Variants in DOCK1 observed in about 807,000 individuals in gnomAD.
DOCK1 encodes dedicator of cytokinesis 1.
DOCK1 carries 138 observed loss-of-function variants against 262.7 expected under a neutral mutation model. The observed-to-expected ratio is 0.53, with a 90% CI of 0.46 to 0.61. The LOEUF (loss-of-function observed/expected upper bound fraction) is 0.61. Ranked by LOEUF, DOCK1 falls within the 20% of genes least tolerant of loss-of-function variation. DOCK1 has a pLI of 0.00. For synonymous variants in DOCK1, 866 were observed against 867.4 expected (o/e 1.00, Z 0.03); for missense variants, 1,908 against 2,370.7 (o/e 0.80, Z 4.05).
chr10:127,060,793 G>A (rs1174551283), intron 22 of DOCK1, among the ~76,000 whole-genome samples: 1 of 152,094 alleles, frequency 6.6e-6, no homozygotes, highest in Non-Finnish European at 1.5e-5. Context: ...CACTGATGTT[G>A]AAATGAATGC....
chr10:127,346,734 C>T (rs571384613), intron 31 of DOCK1, among the ~76,000 whole-genome samples: 8 of 152,348 alleles, frequency 5.3e-5, no homozygotes, highest in South Asian at 2.1e-4. Context: ...CAGCTGGTGT[C>T]GCCCCCTCAG....
chr10:127,318,630 T>C (rs2720978), intron 29 of DOCK1, among the ~76,000 whole-genome samples: 10,315 of 152,238 alleles, frequency 0.068, 1,151 homozygotes, highest in African/African-American at 0.23. Flanking sequence ...ATGCTTTGGG[T>C]GTGGCATGGC....
chr10:127,147,677 A>G (rs2052020876), intron 27 of DOCK1, among the ~76,000 whole-genome samples: 1 of 151,638 alleles, frequency 6.6e-6, no homozygotes, highest in Non-Finnish European at 1.5e-5. Context: ...TTCAATTAAT[A>G]CCCTTTAGGA....
chr10:126,970,660 A>G (rs755620175), intron 1 of DOCK1, 42 bp from the exon 2 acceptor site: 17 of 1,508,936 alleles, frequency 1.1e-5, no homozygotes, highest in South Asian at 2.3e-5. Flanking sequence ...GGTCACTTCT[A>G]TCTTTACTAT....
intron 27 of DOCK1, among the ~76,000 whole-genome samples, chr10:127,139,983 C>CTG: frequency 6.6e-6 from 1 of 152,254 alleles, no homozygotes; most frequent in Non-Finnish European, 1.5e-5. Flanking sequence ...AAACAAGAGC[C>CTG]TGTCAATCGA....
intron 29 of DOCK1, among the ~76,000 whole-genome samples, chr10:127,268,517 A>AAAAAG (rs1282345667): frequency 6.6e-6 from 1 of 151,164 alleles, no homozygotes; most frequent in Non-Finnish European, 1.5e-5. Context: ...AAAAAAAAAA[A>AAAAAG]AAAAAGAAGA....
rs1448346435 is a variant in DOCK1 at position 126,948,413 on chromosome 10, G to T, written c.47-22289G>T. On this transcript the variant is annotated intron_variant, in intron 1 of 51. Coordinates refer to ENST00000623213, the MANE Select transcript of DOCK1 (RefSeq NM_001290223.2). ...GTGGTGGTTGGTAGTATTACTGTTG[G>T]TGGTGATGGTGGTGGTGGTGGTAAT... is the stretch of plus-strand genomic sequence containing the variant. 4.6e-5 allele frequency among the ~76,000 whole-genome samples: 6 copies of T among 131,738 alleles called. 1 individual carries two copies. Among genetic ancestry groups the T allele is most frequent in the Non-Finnish European group, 1.0e-4 (6 of 59,314 alleles). The allele number at this position is 131,738 out of a possible 152,430, so 86.4% of individuals were successfully genotyped here.
chr10:126,926,856 G>T (rs542069124), intron 1 of DOCK1, among the ~76,000 whole-genome samples: 7 of 152,284 alleles, frequency 4.6e-5, no homozygotes, highest in African/African-American at 1.4e-4. Flanking sequence ...TGGCCCTGTA[G>T]GCACCTTAAT....
rs1396886969 is a variant in DOCK1, at chr10:127,446,649, A to C, written c.5414-745A>C. 6.6e-6 allele frequency among the ~76,000 whole-genome samples: 1 copy of C among 151,662 alleles called. No individual in the cohort carries two copies. The highest frequency in any genetic ancestry group is 1.9e-4 in the East Asian group (1 of 5,172). On this transcript the variant is annotated intron_variant, in intron 50 of 51. Transcript: ENST00000623213. The surrounding 1 kb of genome is among the most constrained non-coding windows in gnomAD (Gnocchi z 4.4). ...TTCATCAGATGAATCCTAGGGGAAA[A>C]CTCCAAAAGAGACTCATCAGTAAAA...
intron 1 of DOCK1, among the ~76,000 whole-genome samples, chr10:126,939,062 G>T (rs1317270886): frequency 5.2e-5 from 5 of 95,314 alleles, no homozygotes; most frequent in Non-Finnish European, 1.1e-4. Flanking sequence ...AACACCGGGG[G>T]GGGGACGAAC....
chr10:127,447,434 T>G lies in DOCK1; in HGVS notation c.5454T>G (p.Asp1818Glu), dbSNP rs1384819860. ...GCATGACGGGGGCGGACGTGGCCGA[T>G]GTCCCACCCCCTCTGCCTCTCAAAG... is the stretch of plus-strand genomic sequence containing the variant. Reference protein sequence around the residue: ...LNGMTGADVADVPPPLPLKGS... With the variant: ...LNGMTGADVAEVPPPLPLKGS... Residue 1818 changes from aspartate (D) to glutamate (E), a missense_variant, in exon 51 of 52, where the codon GAT becomes GAG. By Grantham distance (45) the Asp-to-Glu change is conservative. This residue lies in a region of DOCK1 where 383 missense variants were observed against 420.1 expected (regional missense o/e 0.91). Coordinates refer to ENST00000623213, the MANE Select transcript of DOCK1 (RefSeq NM_001290223.2). The G allele has an allele frequency of 6.2e-7, 1 of 1,613,462 alleles. No individual in the cohort carries two copies. Among genetic ancestry groups the G allele is most frequent in the Non-Finnish European group, 8.5e-7 (1 of 1,179,664 alleles).
At chr10:127,032,751 C>T (rs999524306) in intron 18 of DOCK1, among the ~76,000 whole-genome samples, 2 of 152,066 alleles carry the variant, frequency 1.3e-5, no homozygotes, top group Non-Finnish European at 2.9e-5. Context: ...GAGATGAGGT[C>T]TCACTTTATT....
intron 1 of DOCK1, among the ~76,000 whole-genome samples, chr10:126,943,059 C>T (rs1591384748): frequency 6.6e-6 from 1 of 151,310 alleles, no homozygotes; most frequent in African/African-American, 2.4e-5. Context: ...GAGTTCAAGA[C>T]CAGCCTGGCC....
chr10:127,026,780 G>A (rs2042894281), intron 16 of DOCK1, among the ~76,000 whole-genome samples: 1 of 152,132 alleles, frequency 6.6e-6, no homozygotes. Flanking sequence ...TCTTAGAATT[G>A]GAAATCTTGA....
intron 29 of DOCK1, among the ~76,000 whole-genome samples, chr10:127,290,483 C>T (rs759323791): frequency 2.0e-5 from 3 of 152,258 alleles, no homozygotes; most frequent in Non-Finnish European, 4.4e-5. Flanking sequence ...GATCCTGTAG[C>T]GCCTTCTCTC....
At chr10:127,128,119 G>T in intron 27 of DOCK1, 1 of 158,124 alleles carries the variant, frequency 6.3e-6, no homozygotes. Context: ...CTTCACCTTA[G>T]TTATTTTATT....
chr10:126,967,833 AGACG>A (rs1450806582), intron 1 of DOCK1, among the ~76,000 whole-genome samples: 1 of 152,104 alleles, frequency 6.6e-6, no homozygotes, highest in Non-Finnish European at 1.5e-5. Context: ...TTTGTTTTTG[AGACG>A]GAGTCTCGCT....
chr10:126,926,622 T>C (rs1267994543), intron 1 of DOCK1, among the ~76,000 whole-genome samples: 2 of 152,132 alleles, frequency 1.3e-5, no homozygotes, highest in Admixed American at 1.3e-4. Flanking sequence ...ACAGATGTAA[T>C]TCGTTAAGAT....
intron 13 of DOCK1, among the ~76,000 whole-genome samples, chr10:127,020,002 T>C (rs950240699): frequency 1.3e-5 from 2 of 152,216 alleles, no homozygotes; most frequent in African/African-American, 4.8e-5. Flanking sequence ...TCAAGACACA[T>C]TCTTTCTACT....
Sources: gnomAD v4.1 joint callset for allele counts (sites outside exome capture counted in the v4.1 genomes callset) on GRCh38, gnomAD v4.1.1 for gene constraint, gnomAD v4.1.1 regional missense constraint, Gnocchi (gnomAD v3.1) non-coding constraint, MANE v1.5 for transcripts, NCBI Gene and HGNC (gene_info 2026-07-23, HGNC 2026-07-21) for gene names.